The following KCNH7 variants were observed in gnomAD, a reference collection of about 807,000 sequenced individuals.
KCNH7 encodes potassium voltage-gated channel subfamily H member 7.
KCNH7 carries 49 observed loss-of-function variants against 120.8 expected under a neutral mutation model. The observed-to-expected ratio is 0.41, with a 90% CI of 0.32 to 0.51. The LOEUF is 0.51. Among genes scored for constraint, KCNH7 ranks in the 20% least tolerant of loss-of-function variants. The pLI, the probability that KCNH7 is intolerant of heterozygous loss-of-function variation, is 0.38. For missense variants in KCNH7, 1,097 were observed against 1,446.6 expected (o/e 0.76, Z 3.92); for synonymous variants, 547 against 516.1 (o/e 1.06, Z -0.81).
intron 4 of KCNH7, among the ~76,000 whole-genome samples, chr2:162,515,774 C>T (rs2105780841): frequency 6.6e-6 from 1 of 151,728 alleles, no homozygotes; most frequent in Non-Finnish European, 1.5e-5. Context: ...GGGAATTGGC[C>T]TTGTATTTTC....
chr2:162,796,195 T>C (rs987817019), intron 2 of KCNH7: 1 of 152,102 alleles, frequency 6.6e-6, no homozygotes, highest in Non-Finnish European at 1.5e-5. Context: ...AACAACTGCA[T>C]GACACTGGGA....
chr2:162,506,208 C>T (rs1690877967), intron 5 of KCNH7, among the ~76,000 whole-genome samples: 1 of 151,788 alleles, frequency 6.6e-6, no homozygotes, highest in Non-Finnish European at 1.5e-5. Context: ...CATATAGAAC[C>T]TAACTCTCTT....
At chr2:162,596,876 A>G (rs533592841) in intron 2 of KCNH7, among the ~76,000 whole-genome samples, 1 of 152,122 alleles carries the variant, frequency 6.6e-6, no homozygotes, top group South Asian at 2.1e-4. Flanking sequence ...CAAATAACCC[A>G]ATTATAACCA....
intron 14 of KCNH7, among the ~76,000 whole-genome samples, chr2:162,377,928 G>A (rs528573961): frequency 3.9e-5 from 6 of 152,142 alleles, no homozygotes; most frequent in East Asian, 3.9e-4. Flanking sequence ...GTGATTGCAC[G>A]CCAAATGGAT....
In KCNH7 at chr2:162,792,929, C is replaced by T. The variant is rs146258673; in HGVS notation, c.307+43608G>A. 6.6e-3 allele frequency among the ~76,000 whole-genome samples: 994 copies of T among 151,752 alleles called. 6 individuals carry two copies. The highest frequency in any genetic ancestry group is 0.011 in the Non-Finnish European group (779 of 67,896). On this transcript the variant is annotated intron_variant, in intron 2 of 15. Coordinates refer to ENST00000332142, the MANE Select transcript of KCNH7 (RefSeq NM_033272.4). ...TGATGTTAGGTTGTTAACTTGAGAG[C>T]TTTCTAACTTTTTGATATGGGAATT... is the stretch of plus-strand genomic sequence containing the variant.
intron 2 of KCNH7, among the ~76,000 whole-genome samples, chr2:162,707,396 T>C (rs538842234): frequency 3.3e-5 from 5 of 152,134 alleles, no homozygotes; most frequent in Non-Finnish European, 5.9e-5. Context: ...GGATACGAAC[T>C]AGATAGTTTC....
At chr2:162,598,111 A>G (rs1201277026) in intron 2 of KCNH7, among the ~76,000 whole-genome samples, 1 of 152,102 alleles carries the variant, frequency 6.6e-6, no homozygotes, top group Admixed American at 6.6e-5. Context: ...TAACAGAGAT[A>G]GAAAAATTTC....
intron 6 of KCNH7, among the ~76,000 whole-genome samples, chr2:162,460,605 A>G (rs1446687206): frequency 6.6e-6 from 1 of 152,162 alleles, no homozygotes; most frequent in Non-Finnish European, 1.5e-5. Context: ...AAGATTTCTA[A>G]CAACATCAGA....
chr2:162,518,232 A>G (rs1213022073), intron 3 of KCNH7, 74 bp from the exon 4 acceptor site: 7 of 1,103,456 alleles, frequency 6.3e-6, no homozygotes, highest in Non-Finnish European at 6.5e-6. Flanking sequence ...AACATTGTTG[A>G]CTCATATTTA....
At chr2:162,715,301 C>T (rs1687073132) in intron 2 of KCNH7, among the ~76,000 whole-genome samples, 1 of 152,092 alleles carries the variant, frequency 6.6e-6, no homozygotes, top group Admixed American at 6.6e-5. Context: ...AAGTGCCACA[C>T]ACTTTTAAAT....
chr2:162,544,729 T>C lies in KCNH7; in HGVS notation c.308-7649A>G, dbSNP rs370036711. 5.1e-4 allele frequency among the ~76,000 whole-genome samples: 78 copies of C among 152,186 alleles called. 3 individuals are homozygous for C. In the South Asian group the frequency reaches 5.4e-3, roughly 11 times the overall value. On this transcript the variant is annotated intron_variant, in intron 2 of 15. Transcript: ENST00000332142. ...ATTTCCACCCCACTGCACTCCTAAC[T>C]TAGGCATAATTCCCTTCTCCTGCCA...
chr2:162,608,227 C>G (rs1682846461), intron 2 of KCNH7, among the ~76,000 whole-genome samples: 1 of 152,108 alleles, frequency 6.6e-6, no homozygotes, highest in Non-Finnish European at 1.5e-5. Flanking sequence ...ACTGGTATGG[C>G]CCAGACCAGA....
chr2:162,577,252 C>T (rs1161777658), intron 2 of KCNH7, among the ~76,000 whole-genome samples: 1 of 151,778 alleles, frequency 6.6e-6, no homozygotes, highest in Non-Finnish European at 1.5e-5. Context: ...CTCTCCCTCA[C>T]TTAAGGCCAC....
chr2:162,790,050 AGTT>A (rs1338765124), intron 2 of KCNH7, among the ~76,000 whole-genome samples: 1 of 151,892 alleles, frequency 6.6e-6, no homozygotes, highest in East Asian at 1.9e-4. Context: ...TAAAAATAGG[AGTT>A]GTTTTTTTAA....
rs1687764288 is a variant in KCNH7, at chr2:162,423,395, G to A, written c.2095C>T (p.Arg699Cys). 6.2e-7 allele frequency: 1 copy of A among 1,613,938 alleles called. No individual in the cohort carries two copies. Among genetic ancestry groups the A allele is most frequent in the African/African-American group, 1.3e-5 (1 of 74,904 alleles). Residue 699 changes from arginine to cysteine, a missense_variant, in exon 9 of 16, where the codon CGT becomes TGT. Physicochemically the swap from Arg to Cys is radical, Grantham distance 180. This residue lies in a region of KCNH7 where 24 missense variants were observed against 105.8 expected (regional missense o/e 0.23). Coordinates refer to ENST00000332142, the MANE Select transcript of KCNH7 (RefSeq NM_033272.4). ...GCGTGCTGGAAATATTCTTCAAGAC[G>A]TTGCCTCAGAGGGTTGGGGATTTGG... is the stretch of plus-strand genomic sequence containing the variant. ...FHQIPNPLRQ[R>C]LEEYFQHAWT...
At chr2:162,610,768 G>A (rs1027211795) in intron 2 of KCNH7, among the ~76,000 whole-genome samples, 5 of 152,132 alleles carry the variant, frequency 3.3e-5, no homozygotes, top group Non-Finnish European at 7.3e-5. Flanking sequence ...ACCTCTCTAA[G>A]TACTGGACAT....
At chr2:162,624,039 G>A (rs1201120204) in intron 2 of KCNH7, among the ~76,000 whole-genome samples, 1 of 152,144 alleles carries the variant, frequency 6.6e-6, no homozygotes, top group East Asian at 1.9e-4. Flanking sequence ...CCAAATGTGA[G>A]TCATCCTTTT....
At chr2:162,513,657 C>A (rs1691189915) in intron 4 of KCNH7, among the ~76,000 whole-genome samples, 1 of 151,550 alleles carries the variant, frequency 6.6e-6, no homozygotes, top group African/African-American at 2.4e-5. Flanking sequence ...TCCACTCTGC[C>A]TAGCTCCAAC....
At chr2:162,782,627 A>G (rs548714751) in intron 2 of KCNH7, among the ~76,000 whole-genome samples, 2 of 152,332 alleles carry the variant, frequency 1.3e-5, no homozygotes, top group South Asian at 4.1e-4. Context: ...TGGCTTTAAT[A>G]ATGAGGATAG....
Sources: gnomAD v4.1 joint callset for allele counts (sites outside exome capture counted in the v4.1 genomes callset) on GRCh38, gnomAD v4.1.1 for gene constraint, gnomAD v4.1.1 regional missense constraint, MANE v1.5 for transcripts, NCBI Gene and HGNC (gene_info 2026-07-23, HGNC 2026-07-21) for gene names.